The following ST7 variants were observed in gnomAD, a reference collection of about 807,000 sequenced individuals.
The protein encoded by ST7 is suppressor of tumorigenicity 7 protein.
Under a neutral mutation model 78.7 loss-of-function variants are expected in ST7, and 28 were observed. The observed-to-expected ratio is 0.36, with a 90% CI of 0.26 to 0.49. The LOEUF is 0.49. ST7 is among the 20% of genes least tolerant of loss of function. The probability of loss-of-function intolerance (pLI) is 0.99; values close to 1 mark genes in which losing one functional copy is unlikely to be tolerated. For missense variants in ST7, 418 were observed against 696.0 expected, an observed-to-expected ratio of 0.60 and a Z score of 4.49; for synonymous variants, 247 against 249.6, an observed-to-expected ratio of 0.99 and a Z score of 0.10.
At chr7:117,111,259 T>A (rs1455455196) in intron 2 of ST7, among the ~76,000 whole-genome samples, 2 of 152,182 alleles carry the variant, frequency 1.3e-5, no homozygotes, top group Non-Finnish European at 2.9e-5. Context: ...GCAGTTTGCT[T>A]CCTGGCCCCA....
At chr7:116,990,977 A>G (rs771673596) in intron 1 of ST7, among the ~76,000 whole-genome samples, 5 of 152,210 alleles carry the variant, frequency 3.3e-5, no homozygotes, top group Non-Finnish European at 7.3e-5. Flanking sequence ...AGATCAAGAA[A>G]CAGAACATTA....
At chr7:117,006,275 A>G (rs1242509890) in intron 1 of ST7, among the ~76,000 whole-genome samples, 3 of 152,194 alleles carry the variant, frequency 2.0e-5, no homozygotes, top group Non-Finnish European at 4.4e-5. Flanking sequence ...TAAAGTTTCA[A>G]CAGTTCACTC....
Position 117,027,121 on chromosome 7 carries a change from T to C in ST7, c.152-72641T>C, listed in dbSNP as rs77070377. Among the ~76,000 whole-genome samples, 93 of 152,328 alleles carry C rather than the reference T, an allele frequency of 6.1e-4. 1 individual carries two copies. In the East Asian group the frequency reaches 0.017, roughly 28 times the overall value. On this transcript the variant is annotated intron_variant, in intron 1 of 15. Transcript: ENST00000323984. The stretch of plus-strand genomic sequence containing the variant: ...AGTATGAGTAATAGACACATAAATA[T>C]TTAAATAAACATACAAATACTTACC...
At chr7:117,220,825 C>T (rs1022390470) in intron 14 of ST7, among the ~76,000 whole-genome samples, 7 of 152,218 alleles carry the variant, frequency 4.6e-5, no homozygotes, top group Admixed American at 1.3e-4. Context: ...GCTGACCTAC[C>T]TGGATGTAGT....
At chr7:117,175,613 ATTAC>A (rs1485637255) in intron 10 of ST7, among the ~76,000 whole-genome samples, 1 of 152,156 alleles carries the variant, frequency 6.6e-6, no homozygotes, top group Non-Finnish European at 1.5e-5. Context: ...GCTTGAGCAA[ATTAC>A]TTAACATTCC....
intron 9 of ST7, among the ~76,000 whole-genome samples, chr7:117,139,260 A>G (rs983316369): frequency 6.6e-6 from 1 of 152,178 alleles, no homozygotes; most frequent in Non-Finnish European, 1.5e-5. Context: ...ACCAGTATGA[A>G]TTGTATTTAT....
intron 12 of ST7, among the ~76,000 whole-genome samples, chr7:117,205,665 A>G (rs948961332): frequency 6.6e-6 from 1 of 152,202 alleles, no homozygotes; most frequent in Non-Finnish European, 1.5e-5. Context: ...AGAGACCTCC[A>G]TGAGTAGGCG....
chr7:117,173,940 A>G (rs1447497363), intron 10 of ST7, among the ~76,000 whole-genome samples: 1 of 152,116 alleles, frequency 6.6e-6, no homozygotes, highest in African/African-American at 2.4e-5. Flanking sequence ...GTGTCGAAGA[A>G]CATATTTTGG....
intron 9 of ST7, among the ~76,000 whole-genome samples, chr7:117,154,069 G>A (rs1453437119): frequency 3.3e-5 from 5 of 152,220 alleles, no homozygotes; most frequent in East Asian, 3.9e-4. Context: ...GGAGTACTAC[G>A]GAATGAATGT....
At chr7:117,103,032 G>C (rs1469407871) in intron 2 of ST7, among the ~76,000 whole-genome samples, 1 of 151,876 alleles carries the variant, frequency 6.6e-6, no homozygotes, top group East Asian at 1.9e-4. Flanking sequence ...AAAAGTGAAA[G>C]ATGCATACAA....
intron 1 of ST7, among the ~76,000 whole-genome samples, chr7:117,024,027 T>G (rs1380396159): frequency 6.6e-6 from 1 of 152,156 alleles, no homozygotes; most frequent in African/African-American, 2.4e-5. Flanking sequence ...TTGGCCAGGC[T>G]GGTCCTGAAC....
At chr7:117,168,537 T>C (rs1807737165) in intron 9 of ST7, among the ~76,000 whole-genome samples, 1 of 152,138 alleles carries the variant, frequency 6.6e-6, no homozygotes. Context: ...TAATCTCAAC[T>C]AGAATCAAAA....
intron 1 of ST7, among the ~76,000 whole-genome samples, chr7:117,086,750 G>T (rs925191243): frequency 5.9e-5 from 9 of 152,078 alleles, no homozygotes; most frequent in Non-Finnish European, 1.3e-4. Flanking sequence ...TAGACATTAC[G>T]TAAAGCCAGA....
At chr7:117,049,260 A>G (rs1234368586) in intron 1 of ST7, among the ~76,000 whole-genome samples, 2 of 152,018 alleles carry the variant, frequency 1.3e-5, no homozygotes, top group East Asian at 3.9e-4. Flanking sequence ...CCTTTGTGGC[A>G]TTTTTTTCCC....
rs1215269491 is a variant in ST7, at chr7:117,212,709, A to G, written c.1405+2772A>G. On this transcript the variant is annotated intron_variant, in intron 13 of 15. Transcript: ENST00000323984. ...ATTTTAAGTAATTTCTTTTTTCTTCATATTTCTGTTTTTAAATTTTCAACA... is the reference window on the plus strand; with the variant it reads ...ATTTTAAGTAATTTCTTTTTTCTTCGTATTTCTGTTTTTAAATTTTCAACA... 4.6e-5 allele frequency among the ~76,000 whole-genome samples: 7 copies of G among 152,230 alleles called. No homozygotes were observed. The East Asian group carries it at 1.3e-3, about 29-fold the overall frequency.
At chr7:117,172,668 C>T (rs1808085578) in intron 10 of ST7, among the ~76,000 whole-genome samples, 1 of 152,202 alleles carries the variant, frequency 6.6e-6, no homozygotes, top group African/African-American at 2.4e-5. Context: ...AGGCAAAAAT[C>T]CTCGTATGTT....
rs35246518 is a variant in ST7 at position 117,066,764 on chromosome 7, C to CAA, written c.152-32976_152-32975dup. On this transcript the variant is annotated intron_variant, in intron 1 of 15. Transcript: ENST00000323984. ...CAACAGAGTGAGACTGACTCCGTCTCAAAAAAAAAAAAAAAAAAAAAAAGT... is the reference window on the plus strand; with the variant it reads ...CAACAGAGTGAGACTGACTCCGTCTCAAAAAAAAAAAAAAAAAAAAAAAAAGT... Among the ~76,000 whole-genome samples, 297 of 73,874 alleles carry CAA rather than the reference C, an allele frequency of 4.0e-3. 2 individuals are homozygous for CAA. Among genetic ancestry groups the CAA allele is most frequent in the East Asian group, 0.015 (31 of 2,040 alleles). 48.5% of individuals were successfully genotyped at this position (73,874 alleles called of 152,430 possible).
intron 1 of ST7, among the ~76,000 whole-genome samples, chr7:116,984,750 A>G (rs1794120181): frequency 1.3e-5 from 2 of 152,218 alleles, no homozygotes; most frequent in South Asian, 4.1e-4. Flanking sequence ...TCAGTGCTCA[A>G]TATAGGCATT....
intron 9 of ST7, among the ~76,000 whole-genome samples, chr7:117,164,191 A>C (rs895164963): frequency 2.6e-5 from 4 of 152,180 alleles, no homozygotes; most frequent in African/African-American, 9.7e-5. Context: ...ATTCATCCAC[A>C]TATCTACAGC....
Sources: allele counts gnomAD v4.1 joint callset (sites outside exome capture counted in the v4.1 genomes callset), GRCh38; gene constraint gnomAD v4.1.1; transcripts MANE v1.5; gene names NCBI Gene and HGNC (gene_info 2026-07-23, HGNC 2026-07-21).